Variants in CELSR2 observed in about 807,000 individuals in gnomAD.
CELSR2 encodes the protein EGF-like protein 2.
In CELSR2, 81 loss-of-function variants were observed where a neutral mutation model predicts 251.6. That is an observed-to-expected ratio of 0.32 (90% CI 0.27 to 0.39). CELSR2 has a LOEUF of 0.39. CELSR2 is among the 10% of genes least tolerant of loss of function. The pLI, the probability that CELSR2 is intolerant of heterozygous loss-of-function variation, is 1.00. For missense variants in CELSR2, 3,365 were observed against 3,947.7 expected (o/e 0.85, Z 3.96); for synonymous variants, 1,721 against 1,670.5 (o/e 1.03, Z -0.74).
In CELSR2 at chr1:109,273,484, T is replaced by G; in HGVS notation, c.8558T>G (p.Leu2853Arg). ...CCCACCATCAGCGAGAAGAGCAGCC[T>G]CCTGCGGCTCCCCCTGGAGCAATGC... ...CLPTISEKSS[L>R]LRLPLEQCTG... is the part of the protein sequence containing the mutation. Residue 2853 changes from leucine to arginine, a missense_variant, in exon 33 of 34, where the codon CTC becomes CGC. Leu to Arg is a moderately radical substitution (Grantham distance 102, BLOSUM62 -2). Coordinates refer to ENST00000271332, the MANE Select transcript of CELSR2 (RefSeq NM_001408.3). The G allele has an allele frequency of 6.2e-7, 1 of 1,612,116 alleles. No individual in the cohort carries two copies. The highest frequency in any genetic ancestry group is 2.2e-5 in the East Asian group (1 of 44,764).
At position 109,274,111 on chromosome 1, in the gene CELSR2, G is replaced by C; in HGVS notation, c.*62G>C. The C allele has an allele frequency of 6.2e-7, 1 of 1,613,230 alleles. No homozygotes were observed. The highest frequency in any genetic ancestry group is 8.5e-7 in the Non-Finnish European group (1 of 1,179,936). ...CCTTCCCCAGCCGCACTCATGCCCT[G>C]CTCCTGTCTTGTGCTTTATCCTGCC... On this transcript the variant is annotated 3_prime_UTR_variant, in exon 34 of 34. Coordinates refer to ENST00000271332, the MANE Select transcript of CELSR2 (RefSeq NM_001408.3).
At chr1:109,257,665 T>G (rs1655895683) in intron 1 of CELSR2, among the ~76,000 whole-genome samples, 1 of 152,170 alleles carries the variant, frequency 6.6e-6, no homozygotes, top group African/African-American at 2.4e-5. Flanking sequence ...AGTGGGGCTC[T>G]GGGGTCTCAG....
intron 1 of CELSR2, among the ~76,000 whole-genome samples, chr1:109,254,286 C>T (rs753848929): frequency 1.3e-5 from 2 of 152,140 alleles, no homozygotes; most frequent in Admixed American, 1.3e-4. Context: ...CCCCAAGGCA[C>T]CTTATCTGAG....
rs147011024 is a variant in CELSR2 at position 109,258,846 on chromosome 1, G to A, written c.3725G>A (p.Arg1242His). Residue 1242 changes from arginine (R) to histidine (H), a missense_variant, in exon 2 of 34, where the codon CGC (arginine) becomes CAC (histidine). Physicochemically the swap from Arg to His is conservative, Grantham distance 29. Coordinates refer to ENST00000271332, the MANE Select transcript of CELSR2 (RefSeq NM_001408.3). ...CGGGAGCCCTGCGAGAACTACATGC[G>A]CTGCGTGTCGGTGCTGCGCTTCGAC... ...CLREPCENYM[R>H]CVSVLRFDSS... 4.3e-6 allele frequency: 7 copies of A among 1,612,142 alleles called. No individual in the cohort carries two copies. The highest frequency in any genetic ancestry group is 2.2e-5 in the South Asian group (2 of 90,824).
rs1570773187 is a variant in CELSR2, at chr1:109,250,563, T to G, written c.484T>G (p.Ser162Ala). 1.9e-6 allele frequency: 3 copies of G among 1,613,686 alleles called. No individual in the cohort carries two copies. The highest frequency in any genetic ancestry group is 2.2e-5 in the South Asian group (2 of 91,074). Reference sequence around the variant, plus strand: ...CCCCGGGCTCAGGGCAGGGGAAAGGTCACCAGAAGAGTCCCTGGGTGGGCG... The same window carrying G: ...CCCCGGGCTCAGGGCAGGGGAAAGGGCACCAGAAGAGTCCCTGGGTGGGCG... ...QAPGLRAGER[S>A]PEESLGGRRK... The change falls in exon 1 of 34, where the codon TCA (serine) becomes GCA (alanine). Residue 162 changes from serine to alanine, a missense_variant. This residue lies in a region of CELSR2 where 704 missense variants were observed against 784.1 expected (regional missense o/e 0.90). Coordinates refer to ENST00000271332, the MANE Select transcript of CELSR2 (RefSeq NM_001408.3). The surrounding 1 kb of genome is among the most constrained non-coding windows in gnomAD (Gnocchi z 4.4).
chr1:109,270,360 A>T, intron 23 of CELSR2, 66 bp from the exon 24 acceptor site: 2 of 1,563,210 alleles, frequency 1.3e-6, no homozygotes, highest in Non-Finnish European at 1.8e-6. Context: ...TCCATGCCTG[A>T]CCCGAAGCAG....
intron 24 of CELSR2, 57 bp from the exon 25 acceptor site, chr1:109,270,870 C>G: frequency 7.6e-7 from 1 of 1,320,422 alleles, no homozygotes; most frequent in Non-Finnish European, 1.1e-6. Context: ...GCCCGCAGCC[C>G]TACTTCCCAG....
At position 109,267,577 on chromosome 1, in the gene CELSR2, A is replaced by G; in HGVS notation, c.6043A>G (p.Arg2015Gly). 2 of 1,614,084 alleles carry G rather than the reference A, an allele frequency of 1.2e-6. No individual in the cohort carries two copies. Among genetic ancestry groups the G allele is most frequent in the Non-Finnish European group, 1.7e-6 (2 of 1,179,982 alleles). Residue 2015 changes from arginine (R) to glycine (G), a missense_variant, in exon 16 of 34, where the codon AGG becomes GGG. Coordinates refer to ENST00000271332, the MANE Select transcript of CELSR2 (RefSeq NM_001408.3). ...TGCTGTGCGCCACTGTGATGAGCACAGGGGGTGGCTCCCCCCAAACCTCTT... is the reference window on the plus strand; with the variant it reads ...TGCTGTGCGCCACTGTGATGAGCACGGGGGGTGGCTCCCCCCAAACCTCTT... ...GTAVRHCDEH[R>G]GWLPPNLFNC...
chr1:109,260,278 A>C (rs1210809759), intron 2 of CELSR2, among the ~76,000 whole-genome samples: 1 of 151,868 alleles, frequency 6.6e-6, no homozygotes, highest in Non-Finnish European at 1.5e-5. Context: ...AGAATCTGGG[A>C]ATGGGGAGGG....
chr1:109,253,363 A>T lies in CELSR2; in HGVS notation c.3284A>T (p.Glu1095Val). 3.1e-6 allele frequency: 5 copies of T among 1,613,036 alleles called. No homozygotes were observed. Among genetic ancestry groups the T allele is most frequent in the Non-Finnish European group, 4.2e-6 (5 of 1,179,982 alleles). ...SRALDNNRPLEAIMSVLVSDG... is the reference protein window; with the variant it reads ...SRALDNNRPLVAIMSVLVSDG... ...GCACTGGACAACAACCGGCCTCTGG[A>T]GGCCATCATGAGCGTGCTGGTGTCA... Residue 1095 changes from glutamate (E) to valine (V), a missense_variant, in exon 1 of 34, where the codon GAG (glutamate) becomes GTG (valine). By Grantham distance (121) the Glu-to-Val change is moderately radical (BLOSUM62 -2). Coordinates refer to ENST00000271332, the MANE Select transcript of CELSR2 (RefSeq NM_001408.3).
At chr1:109,262,568 TG>T in intron 6 of CELSR2, 124 bp downstream of exon 6, 1 of 1,403,280 alleles carries the variant, frequency 7.1e-7, no homozygotes, top group Non-Finnish European at 9.6e-7. Flanking sequence ...TGCTCAGCCC[TG>T]GGGATGGGGT....
rs924382119 is a variant in CELSR2 at position 109,249,975 on chromosome 1, G to A, written c.-105G>A. On this transcript the variant is annotated 5_prime_UTR_variant, in exon 1 of 34. Transcript: ENST00000271332. ...CCGCGGGGCGCACGGGAGGCCCCCGGGGACTGGCGCCCTGGCCCGGGCATG... is the reference window on the plus strand; with the variant it reads ...CCGCGGGGCGCACGGGAGGCCCCCGAGGACTGGCGCCCTGGCCCGGGCATG... The A allele has an allele frequency of 1.8e-6, 2 of 1,102,934 alleles. No individual in the cohort carries two copies. The highest frequency in any genetic ancestry group is 3.3e-5 in the African/African-American group (2 of 60,650). The allele number at this position is 1,102,934 out of a possible 1,614,324, so 68.3% of individuals were successfully genotyped here.
In CELSR2 at chr1:109,252,843, G is replaced by C. The variant is rs747494318; in HGVS notation, c.2764G>C (p.Glu922Gln). 6 of 1,613,780 alleles carry C rather than the reference G, an allele frequency of 3.7e-6. No homozygotes were observed. Among genetic ancestry groups the C allele is most frequent in the African/African-American group, 1.3e-5 (1 of 74,924 alleles). The part of the protein sequence containing the change: ...LDVNDNPPVF[E>Q]QDEFDVFVEE... ...TGTGAATGACAATCCCCCTGTCTTT[G>C]AGCAGGATGAGTTTGATGTGTTTGT... Residue 922 changes from glutamate to glutamine, a missense_variant, in exon 1 of 34, where the codon GAG becomes CAG. Physicochemically the swap from Glu to Gln is conservative, Grantham distance 29 (BLOSUM62 2). Around this residue, in one of 5 missense-constraint regions of CELSR2, gnomAD observed 505 missense variants for 660.0 expected, o/e 0.77. Transcript: ENST00000271332. This position sits in a 1 kb window ranked among gnomAD's most constrained non-coding sequence, Gnocchi z 4.8.
Position 109,271,027 on chromosome 1 carries a change from C to T in CELSR2, c.7584C>T (p.Ala2528=). Residue 2528 remains alanine (A), a synonymous_variant, in exon 25 of 34, where the codon GCC becomes GCT. Coordinates refer to ENST00000271332, the MANE Select transcript of CELSR2 (RefSeq NM_001408.3). ...TLIWSFAGPV[A]FAVSMSVFLY... ...TCTGGAGTTTTGCTGGCCCGGTGGC[C>T]TTTGCCGTCTCGGTGAGTGCTAGCA... The T allele has an allele frequency of 1.2e-6, 2 of 1,613,516 alleles. No homozygotes were observed. The highest frequency in any genetic ancestry group is 1.7e-6 in the Non-Finnish European group (2 of 1,179,784).
intron 1 of CELSR2, among the ~76,000 whole-genome samples, chr1:109,255,115 C>T (rs1156596723): frequency 6.6e-6 from 1 of 152,232 alleles, no homozygotes; most frequent in African/African-American, 2.4e-5. Flanking sequence ...CCCGGCAGCT[C>T]TGGCCCCACC....
Position 109,272,973 on chromosome 1 carries a change from G to C in CELSR2, c.8284G>C (p.Asp2762His). Residue 2762 changes from aspartate to histidine, a missense_variant, in exon 31 of 34, where the codon GAT (aspartate) becomes CAT (histidine). Asp to His is a moderately conservative substitution (Grantham distance 81). This residue lies in a region of CELSR2 where 2,093 missense variants were observed against 2,382.8 expected (regional missense o/e 0.88). Coordinates refer to ENST00000271332, the MANE Select transcript of CELSR2 (RefSeq NM_001408.3). ...CGCCTTCCCTGGAGAGCAGGGCTGG[G>C]ATAGCCTGCTGGGGCCTGGAGCAGA... Reference protein sequence around the residue: ...EAAFPGEQGWDSLLGPGAERL... With the variant: ...EAAFPGEQGWHSLLGPGAERL... 1 of 1,614,046 alleles carries C rather than the reference G, an allele frequency of 6.2e-7. No homozygotes were observed. The highest frequency in any genetic ancestry group is 1.1e-5 in the South Asian group (1 of 91,082).
At position 109,264,339 on chromosome 1, in the gene CELSR2, G is replaced by T; in HGVS notation, c.5263G>T (p.Ala1755Ser). ...GGIPGPAGGV[A>S]RGFRGCLQGV... is the part of the protein sequence containing the mutation. ...AATACCTGGGCCAGCCGGCGGTGTG[G>T]CCCGTGGCTTTCGGGGCTGTTTGCA... The change falls in exon 10 of 34, where the codon GCC (alanine) becomes TCC (serine). Residue 1755 changes from alanine to serine, a missense_variant. Ala to Ser is a moderately conservative substitution (Grantham distance 99, BLOSUM62 1). Transcript: ENST00000271332. The T allele has an allele frequency of 6.2e-7, 1 of 1,609,902 alleles. No homozygotes were observed. The highest frequency in any genetic ancestry group is 8.5e-7 in the Non-Finnish European group (1 of 1,176,900).
chr1:109,269,986 C>T lies in CELSR2; in HGVS notation c.7161C>T (p.Thr2387=). 6.2e-7 allele frequency: 1 copy of T among 1,614,152 alleles called. No homozygotes were observed. The highest frequency in any genetic ancestry group is 8.5e-7 in the Non-Finnish European group (1 of 1,180,008). ...KTLTYVALGV[T]LAALLLTFFF... ...TGACATACGTGGCTCTAGGTGTCACCTTGGCTGCCCTTCTGCTCACCTTCT... is the reference window on the plus strand; with the variant it reads ...TGACATACGTGGCTCTAGGTGTCACTTTGGCTGCCCTTCTGCTCACCTTCT... The change falls in exon 23 of 34, where the codon ACC becomes ACT. Residue 2387 remains threonine, a synonymous_variant. Transcript: ENST00000271332. The surrounding 1 kb of genome is among the most constrained non-coding windows in gnomAD (Gnocchi z 6.4).
Position 109,267,436 on chromosome 1 carries a change from A to G in CELSR2, c.6014-112A>G, listed in dbSNP as rs1401986375. The G allele has an allele frequency of 4.4e-6, 4 of 906,136 alleles. No individual in the cohort carries two copies. The African/African-American group carries it at 5.0e-5, about 11-fold the overall frequency. The allele number at this position is 906,136 out of a possible 1,614,324, so 56.1% of individuals were successfully genotyped here. ...TGTTTCACCAGGGCCCTTGTTTGCT[A>G]GTTACTGTCCCCGGCCCATGAGGTG... On this transcript the variant is annotated intron_variant, in intron 15 of 33. Coordinates refer to ENST00000271332, the MANE Select transcript of CELSR2 (RefSeq NM_001408.3).
Sources: gnomAD v4.1 joint callset for allele counts (sites outside exome capture counted in the v4.1 genomes callset) on GRCh38, gnomAD v4.1.1 for gene constraint, gnomAD v4.1.1 regional missense constraint, Gnocchi (gnomAD v3.1) non-coding constraint, MANE v1.5 for transcripts, NCBI Gene and HGNC (gene_info 2026-07-23, HGNC 2026-07-21) for gene names.